FTCDNL1: variants seen among roughly 807,000 people sequenced by gnomAD.
The protein encoded by FTCDNL1 is formiminotransferase cyclodeaminase N-terminal like, also known as formiminotransferase N-terminal subdomain-containing protein.
FTCDNL1 carries 11 observed loss-of-function variants against 5.9 expected under a neutral mutation model. That is an observed-to-expected ratio of 1.87 (90% confidence interval 1.18 to 3.10). FTCDNL1 has a LOEUF of 3.10. Among genes scored for constraint, FTCDNL1 ranks in the 30% most tolerant of loss-of-function variants. The pLI is 0.00. For synonymous variants in FTCDNL1, 58 were observed against 24.8 expected (o/e 2.34, Z -3.99); for missense variants, 115 against 65.5 (o/e 1.76, Z -2.61).
At position 199,810,363 on chromosome 2, in the gene FTCDNL1, G is replaced by C. The variant is rs1458078475; in HGVS notation, c.*2342C>G. Among the ~76,000 whole-genome samples, 2 of 152,120 alleles carry C rather than the reference G, an allele frequency of 1.3e-5. No individual in the cohort carries two copies. On this transcript the variant is annotated 3_prime_UTR_variant, in exon 5 of 5. Transcript: ENST00000420128. ...AACTAACAAACAGCCTTGGAACTGG[G>C]AAAAGCAAAGGGACTCACGTGTTTT...
At position 199,802,724 on chromosome 2, in the gene FTCDNL1, A is replaced by C. The variant is rs147635630; in HGVS notation, c.212-41889T>G. Among the ~76,000 whole-genome samples the C allele has an allele frequency of 2.4e-3, 370 of 152,304 alleles. 5 individuals carry two copies. The highest frequency in any genetic ancestry group is 8.4e-3 in the African/African-American group (349 of 41,574). ...TCTGTGGCCCAACTCAGAGAAATTC[A>C]TCTGGGAGAAATCTGGCGATGTGCA... On this transcript the variant is annotated intron_variant, in intron 3 of 3. Coordinates refer to the FTCDNL1 transcript ENST00000416668.
At chr2:199,716,826 G>GT in the FTCDNL1 span, among the ~76,000 whole-genome samples, 1 of 152,148 alleles carries the variant, frequency 6.6e-6, no homozygotes, top group Non-Finnish European at 1.5e-5. Context: ...CTGGATAAAT[G>GT]TAAGTGTTAA....
chr2:199,666,862 G>A, the FTCDNL1 span, among the ~76,000 whole-genome samples: 1 of 150,446 alleles, frequency 6.6e-6, no homozygotes, highest in Non-Finnish European at 1.5e-5. Flanking sequence ...AGTGAGTGGA[G>A]ATTGCGCCAC....
chr2:199,850,344 T>C (rs927854586), intron 1 of FTCDNL1, among the ~76,000 whole-genome samples: 1 of 152,240 alleles, frequency 6.6e-6, no homozygotes, highest in Non-Finnish European at 1.5e-5. Flanking sequence ...TGCAGCTTAA[T>C]TGTCTCATCA....
the FTCDNL1 span, among the ~76,000 whole-genome samples, chr2:199,667,253 T>A: frequency 6.6e-6 from 1 of 152,206 alleles, no homozygotes; most frequent in Non-Finnish European, 1.5e-5. Context: ...AGAACTGGTT[T>A]TTATATAGCA....
At chr2:199,803,678 G>C (rs1334252969) in intron 3 of FTCDNL1, among the ~76,000 whole-genome samples, 2 of 152,174 alleles carry the variant, frequency 1.3e-5, no homozygotes, top group Admixed American at 6.5e-5. Context: ...TGCCCAGGCT[G>C]GTCTTGAACT....
At chr2:199,758,998 A>C (rs1698166607), downstream of FTCDNL1, among the ~76,000 whole-genome samples, 1 of 152,076 alleles carries the variant, frequency 6.6e-6, no homozygotes, top group South Asian at 2.1e-4. Context: ...AACACTGAAG[A>C]ACAAAATGTA....
At chr2:199,710,356 A>C in the FTCDNL1 span, among the ~76,000 whole-genome samples, 1 of 152,154 alleles carries the variant, frequency 6.6e-6, no homozygotes, top group Non-Finnish European at 1.5e-5. Context: ...GCTGTTGGTC[A>C]TGAGTTCAGT....
At chr2:199,664,958 T>C in the FTCDNL1 span, among the ~76,000 whole-genome samples, 1 of 152,220 alleles carries the variant, frequency 6.6e-6, no homozygotes, top group African/African-American at 2.4e-5. Context: ...CATATCTATC[T>C]TTACTATGCC....
At chr2:199,776,102 T>C (rs1444171870) in intron 3 of FTCDNL1, among the ~76,000 whole-genome samples, 1 of 152,008 alleles carries the variant, frequency 6.6e-6, no homozygotes, top group African/African-American at 2.4e-5. Flanking sequence ...TTAGTAGAGA[T>C]GGGGTTTCAC....
the FTCDNL1 span, among the ~76,000 whole-genome samples, chr2:199,724,118 C>T: frequency 1.4e-4 from 21 of 151,858 alleles, no homozygotes; most frequent in African/African-American, 4.4e-4. Context: ...CTTGGGAGGG[C>T]GTATGTGTCC....
At chr2:199,746,266 A>G in the FTCDNL1 span, among the ~76,000 whole-genome samples, 5 of 152,132 alleles carry the variant, frequency 3.3e-5, no homozygotes, top group Non-Finnish European at 7.4e-5. Flanking sequence ...CCAAATCTCT[A>G]ACAGTGGCAA....
intron 4 of FTCDNL1, chr2:199,818,309 G>C (rs1399158823): frequency 6.6e-6 from 1 of 152,174 alleles, no homozygotes. Context: ...GTTCAAATTG[G>C]CAGAGAGCAA....
At chr2:199,688,579 G>T in the FTCDNL1 span, among the ~76,000 whole-genome samples, 57 of 152,154 alleles carry the variant, frequency 3.7e-4, no homozygotes, top group Non-Finnish European at 7.1e-4. Flanking sequence ...AGGGAAAAGT[G>T]GACAAGGCTG....
At chr2:199,760,404 C>T (rs2106240711), downstream of FTCDNL1, 1 of 166,630 alleles carries the variant, frequency 6.0e-6, no homozygotes. Flanking sequence ...CAGTTAATGA[C>T]AAATTTGGGA....
chr2:199,752,809 A>T, the FTCDNL1 span, among the ~76,000 whole-genome samples: 1 of 148,996 alleles, frequency 6.7e-6, no homozygotes, highest in African/African-American at 2.5e-5. Context: ...CGGGTCTTCA[A>T]CTAAATTGGA....
the FTCDNL1 span, among the ~76,000 whole-genome samples, chr2:199,699,152 C>T: frequency 6.6e-6 from 1 of 152,100 alleles, no homozygotes; most frequent in Non-Finnish European, 1.5e-5. Flanking sequence ...AGCCCAGGAC[C>T]CAATGGATTC....
the FTCDNL1 span, among the ~76,000 whole-genome samples, chr2:199,696,358 C>T: frequency 2.1e-3 from 317 of 152,316 alleles, 1 homozygote; most frequent in Middle Eastern, 6.8e-3. Flanking sequence ...GCCACCACCT[C>T]GATGAAGAGT....
At chr2:199,697,291 A>G in the FTCDNL1 span, among the ~76,000 whole-genome samples, 1 of 152,082 alleles carries the variant, frequency 6.6e-6, no homozygotes, top group Non-Finnish European at 1.5e-5. Flanking sequence ...ATAAATAAAA[A>G]AAGATGCTAT....
Sources: allele counts gnomAD v4.1 joint callset (sites outside exome capture counted in the v4.1 genomes callset), GRCh38; gene constraint gnomAD v4.1.1; transcripts MANE v1.5; gene names NCBI Gene and HGNC (gene_info 2026-07-23, HGNC 2026-07-21).